The following SLIT3 variants were observed in gnomAD, a reference collection of about 807,000 sequenced individuals.
SLIT3 encodes the protein slit homolog 3 protein.
SLIT3 carries 68 observed loss-of-function variants against 184.0 expected under a neutral mutation model. That is an observed-to-expected ratio of 0.37 (90% confidence interval 0.30 to 0.45). The LOEUF (loss-of-function observed/expected upper bound fraction) is 0.45. SLIT3 is among the 20% of genes least tolerant of loss of function. SLIT3 has a pLI of 1.00. For missense variants in SLIT3, 1,707 were observed against 2,026.0 expected, an observed-to-expected ratio of 0.84 and a Z score of 3.02; for synonymous variants, 831 against 828.6, an observed-to-expected ratio of 1.00 and a Z score of -0.05.
chr5:168,669,582 T>G (rs1761171066), intron 35 of SLIT3, among the ~76,000 whole-genome samples: 1 of 152,202 alleles, frequency 6.6e-6, no homozygotes, highest in African/African-American at 2.4e-5. Flanking sequence ...GGCTAAGTTG[T>G]TATGCAGCAC....
intron 4 of SLIT3, among the ~76,000 whole-genome samples, chr5:168,886,063 CCA>C (rs1313763487): frequency 1.3e-5 from 2 of 152,194 alleles, no homozygotes; most frequent in African/African-American, 2.4e-5. Flanking sequence ...AGCTTTCTTC[CCA>C]TCTCCCTGTC....
At chr5:169,121,149 A>C (rs995222070) in intron 4 of SLIT3, among the ~76,000 whole-genome samples, 2 of 152,162 alleles carry the variant, frequency 1.3e-5, no homozygotes, top group African/African-American at 4.8e-5. Context: ...ACTCTTCGAT[A>C]TGGTCATTCT....
At chr5:169,044,587 T>TGGGGGGGGGGGGGGGGGAGGGG (rs57256659) in intron 4 of SLIT3, among the ~76,000 whole-genome samples, 1 of 70,582 alleles carries the variant, frequency 1.4e-5, no homozygotes, top group African/African-American at 4.2e-5. Context: ...TGGAGGAAGG[T>TGGGGGGGGGGGGGGGGGAGGGG]GGGGGGGGGG....
At chr5:169,105,258 T>A (rs1760161490) in intron 4 of SLIT3, among the ~76,000 whole-genome samples, 1 of 152,204 alleles carries the variant, frequency 6.6e-6, no homozygotes, top group Admixed American at 6.5e-5. Context: ...TGGAGACACA[T>A]CATTTGGTTA....
chr5:168,768,171 G>A (rs368624931), intron 14 of SLIT3: 26 of 523,566 alleles, frequency 5.0e-5, no homozygotes, highest in African/African-American at 9.7e-5. Context: ...TGCTTTCCGC[G>A]GTGCTTGACA....
At chr5:168,827,584 A>C (rs1757746222) in intron 6 of SLIT3, among the ~76,000 whole-genome samples, 1 of 152,196 alleles carries the variant, frequency 6.6e-6, no homozygotes, top group Non-Finnish European at 1.5e-5. Flanking sequence ...GCTTATCTGA[A>C]CAATCCAGGA....
At chr5:168,848,129 G>A (rs971235805) in intron 5 of SLIT3, among the ~76,000 whole-genome samples, 13 of 152,170 alleles carry the variant, frequency 8.5e-5, no homozygotes, top group Non-Finnish European at 1.8e-4. Flanking sequence ...AGTGCCTAGC[G>A]CAGTGCCAGC....
At chr5:168,918,087 C>CT (rs144681845) in intron 4 of SLIT3, among the ~76,000 whole-genome samples, 57 of 151,530 alleles carry the variant, frequency 3.8e-4, no homozygotes, top group Admixed American at 2.2e-3. Context: ...CTCCCTCTCC[C>CT]TTTTTTTTTC....
intron 4 of SLIT3, among the ~76,000 whole-genome samples, chr5:169,128,263 CATAT>C (rs61173059): frequency 6.8e-6 from 1 of 146,878 alleles, no homozygotes; most frequent in African/African-American, 2.5e-5. Context: ...TATATATATA[CATAT>C]ATATATTTAT....
At chr5:168,847,619 A>G (rs1758518159) in intron 5 of SLIT3, among the ~76,000 whole-genome samples, 1 of 152,236 alleles carries the variant, frequency 6.6e-6, no homozygotes, top group Non-Finnish European at 1.5e-5. Context: ...CTTGGTTCAG[A>G]CAGGTTTCTT....
intron 4 of SLIT3, among the ~76,000 whole-genome samples, chr5:168,996,779 G>C (rs1001721235): frequency 2.4e-4 from 36 of 152,312 alleles, no homozygotes; most frequent in East Asian, 1.2e-3. Flanking sequence ...TGGTGCTCCT[G>C]ACGGTGAGGG....
intron 3 of SLIT3, among the ~76,000 whole-genome samples, chr5:169,194,001 A>G (rs1337227186): frequency 6.6e-6 from 1 of 152,278 alleles, no homozygotes; most frequent in Non-Finnish European, 1.5e-5. Context: ...TGAGAGGCTG[A>G]GGCAGGCAGA....
At chr5:168,865,680 C>T (rs1269626524) in intron 5 of SLIT3, among the ~76,000 whole-genome samples, 1 of 152,116 alleles carries the variant, frequency 6.6e-6, no homozygotes, top group Non-Finnish European at 1.5e-5. Context: ...GAAATGGATG[C>T]ATTTTTTAGG....
chr5:169,229,343 G>T (rs1251858272), intron 3 of SLIT3, among the ~76,000 whole-genome samples: 1 of 152,136 alleles, frequency 6.6e-6, no homozygotes, highest in Non-Finnish European at 1.5e-5. Context: ...ATTAATGTGG[G>T]CTTACCCACT....
chr5:169,073,252 A>G (rs1454803551), intron 4 of SLIT3, among the ~76,000 whole-genome samples: 15 of 152,176 alleles, frequency 9.9e-5, no homozygotes, highest in Admixed American at 9.8e-4. Context: ...TTAGCACATT[A>G]AAAGAGTAAG....
intron 7 of SLIT3, 66 bp from the exon 8 acceptor site, chr5:168,817,529 G>A: frequency 6.6e-7 from 1 of 1,519,948 alleles, no homozygotes; most frequent in South Asian, 1.2e-5. Flanking sequence ...TCACTGGCCA[G>A]ACAGAGTGAC....
intron 3 of SLIT3, among the ~76,000 whole-genome samples, chr5:169,229,728 A>G (rs1252558007): frequency 1.3e-5 from 2 of 151,896 alleles, no homozygotes; most frequent in Admixed American, 6.6e-5. Context: ...TGCTGAAATC[A>G]CTGAGTGATG....
At chr5:169,243,732 C>G (rs529511237) in intron 3 of SLIT3, among the ~76,000 whole-genome samples, 1 of 152,360 alleles carries the variant, frequency 6.6e-6, no homozygotes, top group South Asian at 2.1e-4. Context: ...GATTTGGCAA[C>G]CAGACAGGTA....
At chr5:168,673,616 T>C (rs59873272) in intron 32 of SLIT3, among the ~76,000 whole-genome samples, 9,019 of 152,286 alleles carry the variant, frequency 0.059, 792 homozygotes, top group African/African-American at 0.19. Flanking sequence ...TTACAGCCCT[T>C]TATCCTTAGA....
Sources: gnomAD v4.1 joint callset for allele counts (sites outside exome capture counted in the v4.1 genomes callset) on GRCh38, gnomAD v4.1.1 for gene constraint, MANE v1.5 for transcripts, NCBI Gene and HGNC (gene_info 2026-07-23, HGNC 2026-07-21) for gene names.